Variants in HACE1 observed in about 807,000 individuals in gnomAD.
The protein encoded by HACE1 is HECT domain and ankyrin repeat containing E3 ubiquitin protein ligase 1.
In HACE1, 73 loss-of-function variants were observed where a neutral mutation model predicts 118.4. That is an observed-to-expected ratio of 0.62 (90% confidence interval 0.51 to 0.75). The LOEUF is 0.75. HACE1 is among the 30% of genes least tolerant of loss of function. The pLI is 0.00. For synonymous variants in HACE1, 368 were observed against 374.8 expected, an observed-to-expected ratio of 0.98 and a Z score of 0.21; for missense variants, 749 against 1,102.2, an observed-to-expected ratio of 0.68 and a Z score of 4.54.
intron 7 of HACE1, among the ~76,000 whole-genome samples, chr6:104,810,017 G>A (rs1398718803): frequency 1.3e-5 from 2 of 152,100 alleles, no homozygotes; most frequent in African/African-American, 4.8e-5. Context: ...ATGTTAATAT[G>A]TGAGATTCTG....
intron 6 of HACE1, among the ~76,000 whole-genome samples, chr6:104,822,057 A>G (rs370522796): frequency 3.3e-5 from 5 of 151,638 alleles, no homozygotes; most frequent in Admixed American, 2.0e-4. Flanking sequence ...AAAGAAAGTC[A>G]TAATTTTTTT....
In HACE1 at chr6:104,747,582, T is replaced by C. The variant is rs1044764146; in HGVS notation, c.2343+2759A>G. 2.0e-5 allele frequency among the ~76,000 whole-genome samples: 3 copies of C among 151,802 alleles called. No individual in the cohort carries two copies. In the East Asian group the frequency reaches 5.8e-4, roughly 30 times the overall value. On this transcript the variant is annotated intron_variant, in intron 20 of 23. Transcript: ENST00000262903. Reference sequence around the variant, plus strand: ...AAAGCCAAGTCCCTCTGATTACTCATGCCACCAAGCAGCAGACTGGCAACA... The same window carrying C: ...AAAGCCAAGTCCCTCTGATTACTCACGCCACCAAGCAGCAGACTGGCAACA...
rs188618867 is a variant in HACE1, at chr6:104,822,264, T to C, written c.534+10778A>G. Among the ~76,000 whole-genome samples the C allele has an allele frequency of 5.8e-3, 857 of 147,358 alleles. 12 individuals are homozygous for C. Among genetic ancestry groups the C allele is most frequent in the African/African-American group, 0.021 (824 of 39,814 alleles). ...CAGGCGTGGTGGCAGGAGCCTCTAGTCCCAGCTACTCAGGAGGCTGAGGCA... is the reference window on the plus strand; with the variant it reads ...CAGGCGTGGTGGCAGGAGCCTCTAGCCCCAGCTACTCAGGAGGCTGAGGCA... On this transcript the variant is annotated intron_variant, in intron 6 of 23. Coordinates refer to ENST00000262903, the MANE Select transcript of HACE1 (RefSeq NM_020771.4).
intron 22 of HACE1, among the ~76,000 whole-genome samples, chr6:104,739,160 A>C (rs1236033431): frequency 2.0e-5 from 3 of 152,166 alleles, no homozygotes; most frequent in Non-Finnish European, 4.4e-5. Flanking sequence ...AAAGAGCCTG[A>C]AGGAAGCGCT....
chr6:104,773,771 T>TAAA (rs199641990), intron 17 of HACE1, among the ~76,000 whole-genome samples: 1 of 147,476 alleles, frequency 6.8e-6, no homozygotes, highest in South Asian at 2.1e-4. Context: ...GAGACTTTTT[T>TAAA]AAAAAAAAAA....
intron 7 of HACE1, among the ~76,000 whole-genome samples, chr6:104,807,085 G>A (rs1267751409): frequency 6.7e-6 from 1 of 148,704 alleles, no homozygotes; most frequent in African/African-American, 2.5e-5. Context: ...GTGCAGTGGT[G>A]CAATCTCGGC....
chr6:104,815,016 G>A (rs913246935), intron 6 of HACE1, among the ~76,000 whole-genome samples: 3 of 138,238 alleles, frequency 2.2e-5, no homozygotes, highest in Admixed American at 2.1e-4. Flanking sequence ...TCAGTACCAG[G>A]AGTGGGACAC....
intron 22 of HACE1, among the ~76,000 whole-genome samples, chr6:104,733,838 CA>C (rs10685648): frequency 2.1e-5 from 3 of 142,802 alleles, no homozygotes; most frequent in Non-Finnish European, 1.5e-5. Flanking sequence ...GACTTCATCT[CA>C]AAAAAAAAAG....
rs777277931 is a variant in HACE1, at chr6:104,785,263, T to C, written c.1131A>G (p.Glu377=). ...TTGAGTCTCTTTTGTTTTTCATCAA[T>C]TCTGTGGCTATTAAAACTAGCCATT... ...LDEWLVLIAT[E]LMKNKRDSTE... is the part of the protein sequence containing the mutation. The change falls in exon 12 of 24, where the codon GAA becomes GAG. Residue 377 remains glutamate (E), a synonymous_variant. Transcript: ENST00000262903. 4 of 1,612,984 alleles carry C rather than the reference T, an allele frequency of 2.5e-6. No homozygotes were observed. The African/African-American group carries it at 5.3e-5, about 22-fold the overall frequency.
At chr6:104,831,045 A>T (rs370342948) in intron 6 of HACE1, 107 of 152,212 alleles carry the variant, frequency 7.0e-4, no homozygotes, top group African/African-American at 2.3e-3. Flanking sequence ...ACTGGCACAC[A>T]CCTGTACATT....
chr6:104,778,116 C>A (rs537441681), intron 14 of HACE1, among the ~76,000 whole-genome samples: 15 of 152,198 alleles, frequency 9.9e-5, no homozygotes, highest in African/African-American at 3.4e-4. Flanking sequence ...GAAATTGGAA[C>A]GTAATTTGTT....
Position 104,796,934 on chromosome 6 carries a change from C to T in HACE1, c.709G>A (p.Val237Ile), listed in dbSNP as rs756240109. 2.6e-6 allele frequency: 4 copies of T among 1,527,660 alleles called. No individual in the cohort carries two copies. Among genetic ancestry groups the T allele is most frequent in the Non-Finnish European group, 3.6e-6 (4 of 1,101,274 alleles). 94.6% of individuals were successfully genotyped at this position (1,527,660 alleles called of 1,614,324 possible). ...KNGVTPLDLC[V>I]QGGYGETCEV... is the part of the protein sequence containing the mutation. Reference sequence around the variant, plus strand: ...AATATAAATGAAAAACACACCTGTACACATAAATCCAGAGGAGTTACTCCA... The same window carrying T: ...AATATAAATGAAAAACACACCTGTATACATAAATCCAGAGGAGTTACTCCA... The change falls in exon 8 of 24, where the codon GTA becomes ATA. Residue 237 changes from valine to isoleucine, a missense_variant. By Grantham distance (29) the Val-to-Ile change is conservative. Transcript: ENST00000262903.
chr6:104,737,108 A>C (rs1775932346), intron 22 of HACE1, among the ~76,000 whole-genome samples: 1 of 145,394 alleles, frequency 6.9e-6, no homozygotes, highest in African/African-American at 2.7e-5. Flanking sequence ...CGATGGTGAA[A>C]CCTCATCTCT....
intron 21 of HACE1, 60 bp downstream of exon 21, chr6:104,744,452 A>G: frequency 1.0e-6 from 1 of 996,982 alleles, no homozygotes; most frequent in East Asian, 2.4e-5. Flanking sequence ...ATAGTGCTGA[A>G]AAGCTTACAA....
At chr6:104,777,462 C>A in intron 14 of HACE1, 145 bp from the exon 15 acceptor site, 1 of 664,720 alleles carries the variant, frequency 1.5e-6, no homozygotes, top group Non-Finnish European at 2.7e-6. Flanking sequence ...AATGTTTGAA[C>A]ATTTCAATAA....
chr6:104,756,446 T>C (rs9499952), intron 19 of HACE1, among the ~76,000 whole-genome samples: 25,321 of 139,504 alleles, frequency 0.18, 2,649 homozygotes, highest in African/African-American at 0.29. Context: ...TATATATATA[T>C]ACACACACAC....
At chr6:104,780,686 T>A (rs1052793143) in intron 14 of HACE1, among the ~76,000 whole-genome samples, 17 of 152,142 alleles carry the variant, frequency 1.1e-4, no homozygotes, top group Non-Finnish European at 2.5e-4. Context: ...CCTCTATAAC[T>A]AGATAACAAC....
chr6:104,755,134 A>C (rs1041111096), intron 19 of HACE1, among the ~76,000 whole-genome samples: 4 of 152,186 alleles, frequency 2.6e-5, no homozygotes, highest in Non-Finnish European at 5.9e-5. Context: ...CAGGAGTTGC[A>C]ACCCTAGATT....
intron 11 of HACE1, 60 bp downstream of exon 11, chr6:104,791,444 C>T: frequency 7.0e-7 from 1 of 1,430,464 alleles, no homozygotes; most frequent in South Asian, 1.1e-5. Context: ...TGAATGCATG[C>T]TTTGTCAAAT....
Sources: allele counts gnomAD v4.1 joint callset (sites outside exome capture counted in the v4.1 genomes callset), GRCh38; gene constraint gnomAD v4.1.1; transcripts MANE v1.5; gene names NCBI Gene and HGNC (gene_info 2026-07-23, HGNC 2026-07-21).